Variants in DSTN observed in about 807,000 individuals in gnomAD.
DSTN encodes destrin, actin depolymerizing factor.
A neutral mutation model predicts 16.8 loss-of-function variants in DSTN; 10 were observed. That is an observed-to-expected ratio of 0.60 (90% CI 0.37 to 1.01). DSTN has a LOEUF of 1.01. DSTN is among the 50% of genes least tolerant of loss of function. DSTN has a pLI of 0.01. For missense variants in DSTN, 141 were observed against 196.7 expected (o/e 0.72, Z 1.69); for synonymous variants, 57 against 58.9 (o/e 0.97, Z 0.14).
chr20:17,583,210 A>G (rs553739176), intron 1 of DSTN, among the ~76,000 whole-genome samples: 38 of 152,356 alleles, frequency 2.5e-4, no homozygotes, highest in Non-Finnish European at 4.6e-4. Context: ...TGGCCAGGCT[A>G]TGAAGTTGGA....
intron 1 of DSTN, chr20:17,599,430 G>A (rs1256448000): frequency 6.6e-6 from 1 of 152,230 alleles, no homozygotes; most frequent in Non-Finnish European, 1.5e-5. Context: ...CTTCTTCACT[G>A]TCTCATGGTC....
At position 17,570,076 on chromosome 20, in the gene DSTN, C is replaced by T. The variant is rs2035177064; in HGVS notation, c.-133C>T. 5.1e-6 allele frequency: 7 copies of T among 1,379,438 alleles called. No homozygotes were observed. The highest frequency in any genetic ancestry group is 1.5e-5 in the African/African-American group (1 of 66,088). The allele number at this position is 1,379,438 out of a possible 1,614,324, so 85.4% of individuals were successfully genotyped here. On this transcript the variant is annotated 5_prime_UTR_variant, in exon 1 of 4. Coordinates refer to ENST00000246069, the MANE Select transcript of DSTN (RefSeq NM_006870.4). Reference sequence around the variant, plus strand: ...CGCGTTCCGTCCTGAGGCGCGCCCGCCCCGGGGTAAGCTCGCGCCGCCGCG... The same window carrying T: ...CGCGTTCCGTCCTGAGGCGCGCCCGTCCCGGGGTAAGCTCGCGCCGCCGCG...
chr20:17,578,920 C>T (rs1413357216), intron 1 of DSTN, among the ~76,000 whole-genome samples: 1 of 136,418 alleles, frequency 7.3e-6, no homozygotes, highest in Non-Finnish European at 1.5e-5. Context: ...AAGATCCCAC[C>T]ATTGCACTCC....
intron 1 of DSTN, among the ~76,000 whole-genome samples, chr20:17,579,472 A>G (rs1402976608): frequency 6.6e-6 from 1 of 152,076 alleles, no homozygotes; most frequent in African/African-American, 2.4e-5. Context: ...GGTCCCAGCT[A>G]CTTGGGAGGC....
chr20:17,571,748 A>C (rs1418293444), intron 1 of DSTN, among the ~76,000 whole-genome samples: 2 of 152,182 alleles, frequency 1.3e-5, no homozygotes, highest in East Asian at 3.9e-4. Flanking sequence ...TTTCTGTTTG[A>C]AAATAAGAGA....
intron 1 of DSTN, among the ~76,000 whole-genome samples, chr20:17,589,296 C>T (rs2035445405): frequency 1.3e-5 from 2 of 151,712 alleles, no homozygotes; most frequent in South Asian, 4.2e-4. Flanking sequence ...CTGCAACCTT[C>T]GCCTCCCAGG....
intron 1 of DSTN, among the ~76,000 whole-genome samples, chr20:17,586,728 G>C (rs2035413262): frequency 6.6e-6 from 1 of 152,204 alleles, no homozygotes; most frequent in Non-Finnish European, 1.5e-5. Flanking sequence ...TAACTAGAAA[G>C]AGTCGAAGAA....
intron 1 of DSTN, among the ~76,000 whole-genome samples, chr20:17,586,999 A>C (rs73258671): frequency 0.06 from 9,167 of 152,150 alleles, 419 homozygotes; most frequent in East Asian, 0.12. Context: ...GTTTTTGAGA[A>C]TAACACAGCC....
At chr20:17,577,149 A>T (rs1708794012) in intron 1 of DSTN, among the ~76,000 whole-genome samples, 1 of 152,254 alleles carries the variant, frequency 6.6e-6, no homozygotes, top group Non-Finnish European at 1.5e-5. Context: ...CCTATTCCCA[A>T]GCTATCTCAT....
At chr20:17,601,225 G>A (rs73260509) in intron 2 of DSTN, among the ~76,000 whole-genome samples, 180 bp downstream of exon 2, 8,926 of 146,030 alleles carry the variant, frequency 0.061, 400 homozygotes, top group East Asian at 0.12. Flanking sequence ...ACTAAATTTT[G>A]ACTATTTTCT....
In DSTN at chr20:17,609,392, C is replaced by CA. The variant is rs1220869924; in HGVS notation, c.*2247dup. 3 of 152,122 alleles carry CA rather than the reference C, an allele frequency of 2.0e-5. No homozygotes were observed. The highest frequency in any genetic ancestry group is 7.2e-5 in the African/African-American group (3 of 41,408). 9.4% of individuals were successfully genotyped at this position (152,122 alleles called of 1,614,324 possible). ...CTAGTGATTGTGATTAACAGGCCTC[C>CA]AGGGAAGTGCCATAAGCCCAAGACT... On this transcript the variant is annotated 3_prime_UTR_variant, in exon 4 of 4. Coordinates refer to ENST00000246069, the MANE Select transcript of DSTN (RefSeq NM_006870.4).
chr20:17,584,387 C>T (rs1386567388), intron 1 of DSTN, among the ~76,000 whole-genome samples: 2 of 152,122 alleles, frequency 1.3e-5, no homozygotes, highest in Admixed American at 1.3e-4. Context: ...CAGTGGCTCA[C>T]GCCTGTAATC....
At position 17,607,735 on chromosome 20, in the gene DSTN, AG is replaced by A. The variant is rs1465790669; in HGVS notation, c.*591del. On this transcript the variant is annotated 3_prime_UTR_variant, in exon 4 of 4. Coordinates refer to ENST00000246069, the MANE Select transcript of DSTN (RefSeq NM_006870.4). ...TATTTCAGGCACATCATTGGAATAC[AG>A]GAAGTAGCCCTGCACCTGCCAGTGA... The A allele has an allele frequency of 6.6e-6, 1 of 152,298 alleles. No homozygotes were observed. Among genetic ancestry groups the A allele is most frequent in the Admixed American group, 6.5e-5 (1 of 15,276 alleles). 9.4% of individuals were successfully genotyped at this position (152,298 alleles called of 1,614,324 possible).
At position 17,583,564 on chromosome 20, in the gene DSTN, T is replaced by A. The variant is rs557774951; in HGVS notation, c.3+13353T>A. Among the ~76,000 whole-genome samples the A allele has an allele frequency of 1.3e-4, 19 of 151,584 alleles. No homozygotes were observed. In the South Asian group the frequency reaches 3.5e-3, roughly 28 times the overall value. The stretch of plus-strand genomic sequence containing the variant: ...CTACAACGTGGATGAACATTGAAAA[T>A]ATGCTAAGTGAAAGAAACCAGTCCC... On this transcript the variant is annotated intron_variant, in intron 1 of 3. Transcript: ENST00000246069.
chr20:17,600,934 C>T lies in DSTN; in HGVS notation c.200C>T (p.Pro67Leu), dbSNP rs776398299. 6.2e-7 allele frequency: 1 copy of T among 1,613,900 alleles called. No homozygotes were observed. Among genetic ancestry groups the T allele is most frequent in the Non-Finnish European group, 8.5e-7 (1 of 1,179,978 alleles). ...GATGTTGGTGTAACCATAACTGATCCTTTCAAGCATTTTGTGGGAATGCTT... is the reference window on the plus strand; with the variant it reads ...GATGTTGGTGTAACCATAACTGATCTTTTCAAGCATTTTGTGGGAATGCTT... ...VGDVGVTITD[P>L]FKHFVGMLPE... The change falls in exon 2 of 4, where the codon CCT (proline) becomes CTT (leucine). Residue 67 changes from proline (P) to leucine (L), a missense_variant. By Grantham distance (98) the Pro-to-Leu change is moderately conservative (BLOSUM62 -3). Coordinates refer to ENST00000246069, the MANE Select transcript of DSTN (RefSeq NM_006870.4).
chr20:17,595,546 G>A (rs1266088352), intron 1 of DSTN, among the ~76,000 whole-genome samples: 1 of 151,898 alleles, frequency 6.6e-6, no homozygotes, highest in African/African-American at 2.4e-5. Context: ...TTGAACCCAG[G>A]AGGCAGAGGT....
intron 1 of DSTN, among the ~76,000 whole-genome samples, chr20:17,577,012 C>T (rs986356477): frequency 2.6e-5 from 4 of 152,110 alleles, no homozygotes; most frequent in Admixed American, 1.3e-4. Flanking sequence ...TCACCTCATG[C>T]GACAAGTCAA....
chr20:17,604,680 G>C, intron 3 of DSTN, 49 bp downstream of exon 3: 1 of 1,550,570 alleles, frequency 6.4e-7, no homozygotes, highest in Non-Finnish European at 8.8e-7. Flanking sequence ...TGAACACTCA[G>C]AATGGGGCAG....
Position 17,608,773 on chromosome 20 carries a change from A to G in DSTN, c.*1627A>G, listed in dbSNP as rs1473986785. The G allele has an allele frequency of 1.3e-5, 2 of 152,228 alleles. No homozygotes were observed. Among genetic ancestry groups the G allele is most frequent in the South Asian group, 2.1e-4 (1 of 4,828 alleles). The allele number at this position is 152,228 out of a possible 1,614,324, so 9.4% of individuals were successfully genotyped here. A position where few individuals can be genotyped will look rare whatever the true frequency, so the allele number is the denominator to read the frequency against. ...AATTTAGAAAATAGAGAAAAGGGAA[A>G]TTATACATTGTCCTACCACATGCCA... On this transcript the variant is annotated 3_prime_UTR_variant, in exon 4 of 4. Transcript: ENST00000246069.
Sources: allele counts gnomAD v4.1 joint callset (sites outside exome capture counted in the v4.1 genomes callset), GRCh38; gene constraint gnomAD v4.1.1; transcripts MANE v1.5; gene names NCBI Gene and HGNC (gene_info 2026-07-23, HGNC 2026-07-21).